Variants in CADM2 observed in about 807,000 individuals in gnomAD.
CADM2 encodes cell adhesion molecule 2, also known as immunoglobulin superfamily member 4D.
CADM2 carries 12 observed loss-of-function variants against 49.8 expected under a neutral mutation model. The ratio of observed to expected loss-of-function variants is 0.24; its 90% confidence interval spans 0.15 to 0.39. The LOEUF is 0.39. Ranked by LOEUF, CADM2 falls within the 10% of genes least tolerant of loss-of-function variation. CADM2 has a pLI of 1.00. For synonymous variants in CADM2, 214 were observed against 175.4 expected, an observed-to-expected ratio of 1.22 and a Z score of -1.74; for missense variants, 378 against 492.3, an observed-to-expected ratio of 0.77 and a Z score of 2.20.
intron 1 of CADM2, among the ~76,000 whole-genome samples, chr3:85,073,522 A>C (rs1398315507): frequency 6.6e-6 from 1 of 152,168 alleles, no homozygotes. Flanking sequence ...TTCACTGGAA[A>C]CCCTCTAATG....
In CADM2 at chr3:86,013,498, T is replaced by C. The variant is rs1731810529; in HGVS notation, c.970+51851T>C. 3.1e-6 allele frequency: 5 copies of C among 1,604,350 alleles called. No homozygotes were observed. The East Asian group carries it at 1.1e-4, about 36-fold the overall frequency. ...GGTGAAGAGGTTCTGAGAAAGCGCT[T>C]TGAGACAACAGCAGTTAACACGTTG... On this transcript the variant is annotated intron_variant, in intron 8 of 9. Transcript: ENST00000383699.
chr3:85,178,824 T>C (rs2040852619), intron 1 of CADM2, among the ~76,000 whole-genome samples: 1 of 151,762 alleles, frequency 6.6e-6, no homozygotes, highest in Non-Finnish European at 1.5e-5. Context: ...ACTGAGTACG[T>C]TTACTTCTGA....
At chr3:85,430,677 A>AGAGAAAGAG (rs148021980) in intron 1 of CADM2, among the ~76,000 whole-genome samples, 36,576 of 149,044 alleles carry the variant, frequency 0.25, 4,731 homozygotes, top group South Asian at 0.34. Context: ...GGAGAAAGAC[A>AGAGAAAGAG]GAGAAAAGAA....
intron 5 of CADM2, among the ~76,000 whole-genome samples, chr3:85,888,715 TG>T (rs1714015492): frequency 6.6e-6 from 1 of 152,174 alleles, no homozygotes; most frequent in Non-Finnish European, 1.5e-5. Context: ...ATTTTATTTT[TG>T]TAAGTGTATA....
chr3:85,017,793 C>T (rs903800586), intron 1 of CADM2, among the ~76,000 whole-genome samples: 2 of 152,006 alleles, frequency 1.3e-5, no homozygotes, highest in African/African-American at 4.8e-5. Flanking sequence ...GGCTTGTTTT[C>T]GTGACATGGA....
At chr3:85,063,902 T>C (rs1455716179) in intron 1 of CADM2, among the ~76,000 whole-genome samples, 1 of 151,986 alleles carries the variant, frequency 6.6e-6, no homozygotes, top group Non-Finnish European at 1.5e-5. Flanking sequence ...TCCTCCTGGG[T>C]GTTAGAATTA....
intron 1 of CADM2, among the ~76,000 whole-genome samples, chr3:85,267,255 G>A (rs891364459): frequency 6.6e-6 from 1 of 151,688 alleles, no homozygotes; most frequent in African/African-American, 2.4e-5. Context: ...TTTGCATGTA[G>A]GTAGCGTCTG....
intron 1 of CADM2, among the ~76,000 whole-genome samples, chr3:85,568,497 T>TTCTTTCTTTCTTA (rs1559916200): frequency 1.5e-5 from 1 of 65,556 alleles, no homozygotes; most frequent in African/African-American, 3.7e-5. Flanking sequence ...CTTTCTTTCT[T>TTCTTTCTTTCTTA]TCTTTCTTTC....
intron 1 of CADM2, among the ~76,000 whole-genome samples, chr3:85,147,963 T>G (rs2039803450): frequency 6.6e-6 from 1 of 152,210 alleles, no homozygotes; most frequent in Admixed American, 6.5e-5. Flanking sequence ...ACTTGGAAAT[T>G]ATTTTAGAAA....
chr3:85,802,189 C>T lies in CADM2; in HGVS notation c.231C>T (p.Asp77=), dbSNP rs190559119. The part of the protein sequence containing the change: ...NPAQQTLYFD[D]KKALRDNRIE... Reference sequence around the variant, plus strand: ...CTCAACAGACTCTGTACTTTGACGACAAGAAAGGTGAATACATTTTCTTTC... The same window carrying T: ...CTCAACAGACTCTGTACTTTGACGATAAGAAAGGTGAATACATTTTCTTTC... Residue 77 remains aspartate (D), a synonymous_variant, in exon 3 of 10, where the codon GAC becomes GAT. Coordinates refer to ENST00000383699, the MANE Select transcript of CADM2 (RefSeq NM_001167675.2). The T allele has an allele frequency of 6.2e-7, 1 of 1,607,908 alleles. No homozygotes were observed. The highest frequency in any genetic ancestry group is 2.2e-5 in the East Asian group (1 of 44,624).
chr3:85,828,870 T>C (rs1244621420), intron 3 of CADM2, among the ~76,000 whole-genome samples: 1 of 151,914 alleles, frequency 6.6e-6, no homozygotes, highest in Non-Finnish European at 1.5e-5. Context: ...CAGTAAATCC[T>C]ACTAAATGAG....
intron 1 of CADM2, among the ~76,000 whole-genome samples, chr3:85,421,538 T>A (rs891019187): frequency 2.0e-5 from 3 of 152,180 alleles, no homozygotes; most frequent in Admixed American, 6.5e-5. Context: ...TAAAAATTAT[T>A]CTTTTGTGGT....
chr3:85,887,129 G>A (rs1398721812), intron 5 of CADM2, among the ~76,000 whole-genome samples: 1 of 152,018 alleles, frequency 6.6e-6, no homozygotes, highest in East Asian at 1.9e-4. Context: ...GCTCTGTCAC[G>A]CAGGCTGGAA....
chr3:85,689,811 A>C (rs991009836), intron 1 of CADM2, among the ~76,000 whole-genome samples: 1 of 152,196 alleles, frequency 6.6e-6, no homozygotes, highest in African/African-American at 2.4e-5. Flanking sequence ...GCCTGTGGAG[A>C]ATATGAAGAT....
chr3:86,008,746 A>G (rs1170858301), intron 8 of CADM2, among the ~76,000 whole-genome samples: 7 of 152,024 alleles, frequency 4.6e-5, no homozygotes, highest in Admixed American at 3.3e-4. Context: ...TTTGACACAG[A>G]TGAATTTTTT....
intron 1 of CADM2, among the ~76,000 whole-genome samples, chr3:85,235,697 G>A (rs191686619): frequency 6.5e-4 from 99 of 151,798 alleles, no homozygotes; most frequent in African/African-American, 2.2e-3. Flanking sequence ...TTGAAGTGTC[G>A]TCTCCCATTT....
In CADM2 at chr3:86,003,252, TA is replaced by T. The variant is rs576055929; in HGVS notation, c.970+41606del. On this transcript the variant is annotated intron_variant, in intron 8 of 9. Transcript: ENST00000383699. ...AGCTGTGAAGAAAACTGACTACGTGTACCTGCAACCACCTGGCCCATTCCCC... is the reference window on the plus strand; with the variant it reads ...AGCTGTGAAGAAAACTGACTACGTGTCCTGCAACCACCTGGCCCATTCCCC... Among the ~76,000 whole-genome samples, 15 of 152,310 alleles carry T rather than the reference TA, an allele frequency of 9.8e-5. No homozygotes were observed. In the South Asian group the frequency reaches 3.1e-3, roughly 32 times the overall value.
At chr3:86,029,033 G>A (rs1559811164) in intron 8 of CADM2, among the ~76,000 whole-genome samples, 1 of 152,148 alleles carries the variant, frequency 6.6e-6, no homozygotes, top group Non-Finnish European at 1.5e-5. Flanking sequence ...CGTGAGAAAA[G>A]AGCCATAAAG....
chr3:85,567,771 G>C (rs1163400880), intron 1 of CADM2, among the ~76,000 whole-genome samples: 2 of 152,176 alleles, frequency 1.3e-5, no homozygotes, highest in East Asian at 1.9e-4. Context: ...CAAGGAGGCT[G>C]GTAGCATGAC....
Sources: gnomAD v4.1 joint callset for allele counts (sites outside exome capture counted in the v4.1 genomes callset) on GRCh38, gnomAD v4.1.1 for gene constraint, MANE v1.5 for transcripts, NCBI Gene and HGNC (gene_info 2026-07-23, HGNC 2026-07-21) for gene names.